Variants in SRBD1 observed in about 807,000 individuals in gnomAD.
SRBD1 encodes the protein S1 RNA-binding domain-containing protein 1.
SRBD1 carries 88 observed loss-of-function variants against 115.3 expected under a neutral mutation model. That is an observed-to-expected ratio of 0.76 (90% CI 0.64 to 0.91). SRBD1 has a LOEUF of 0.91. Ranked by LOEUF, SRBD1 falls within the 40% of genes least tolerant of loss-of-function variation. SRBD1 has a pLI of 0.00. For missense variants in SRBD1, 1,385 were observed against 1,177.4 expected (o/e 1.18, Z -2.58); for synonymous variants, 509 against 407.7 (o/e 1.25, Z -2.99).
At chr2:45,475,065 C>T (rs1669765969) in intron 16 of SRBD1, among the ~76,000 whole-genome samples, 1 of 152,080 alleles carries the variant, frequency 6.6e-6, no homozygotes, top group Non-Finnish European at 1.5e-5. Flanking sequence ...ATATCCAACT[C>T]CTACTTGACA....
At chr2:45,494,614 T>C (rs1670399838) in intron 14 of SRBD1, among the ~76,000 whole-genome samples, 1 of 152,234 alleles carries the variant, frequency 6.6e-6, no homozygotes, top group African/African-American at 2.4e-5. Flanking sequence ...ATACAAATTA[T>C]ACATCCTTAA....
At chr2:45,601,420 T>C (rs1189420458) in intron 3 of SRBD1, among the ~76,000 whole-genome samples, 1 of 152,236 alleles carries the variant, frequency 6.6e-6, no homozygotes, top group Non-Finnish European at 1.5e-5. Flanking sequence ...ACACAACTGA[T>C]GTAAAAACAC....
intron 7 of SRBD1, among the ~76,000 whole-genome samples, chr2:45,577,616 C>T (rs1673220331): frequency 6.6e-6 from 1 of 151,964 alleles, no homozygotes; most frequent in Admixed American, 6.6e-5. Flanking sequence ...AGACCAAATG[C>T]TTACTGGTCT....
At chr2:45,607,580 G>C (rs1428767576) in intron 1 of SRBD1, among the ~76,000 whole-genome samples, 1 of 151,978 alleles carries the variant, frequency 6.6e-6, no homozygotes, top group African/African-American at 2.4e-5. Context: ...TCCCAAGCCA[G>C]TAGTGGGAGC....
chr2:45,418,278 A>C lies in SRBD1; in HGVS notation c.2333+87T>G, dbSNP rs1667890301. 4 of 1,485,138 alleles carry C rather than the reference A, an allele frequency of 2.7e-6. No homozygotes were observed. In the East Asian group the frequency reaches 9.1e-5, roughly 34 times the overall value. The allele number at this position is 1,485,138 out of a possible 1,614,324, so 92.0% of individuals were successfully genotyped here. A position where few individuals can be genotyped will look rare whatever the true frequency, so the allele number is the denominator to read the frequency against. On this transcript the variant is annotated intron_variant, in intron 18 of 20. Coordinates refer to ENST00000263736, the MANE Select transcript of SRBD1 (RefSeq NM_018079.5). ...GAAGGCATGAACAATGGACACTTAGAAAATTTTACACTAATCAGTGGTAGG... is the reference window on the plus strand; with the variant it reads ...GAAGGCATGAACAATGGACACTTAGCAAATTTTACACTAATCAGTGGTAGG...
At chr2:45,452,557 C>T (rs1371622341) in intron 16 of SRBD1, among the ~76,000 whole-genome samples, 1 of 151,978 alleles carries the variant, frequency 6.6e-6, no homozygotes, top group Non-Finnish European at 1.5e-5. Flanking sequence ...AAATACTCTT[C>T]ATCCTAATTT....
chr2:45,502,806 T>A (rs1670677315), intron 14 of SRBD1, among the ~76,000 whole-genome samples: 1 of 151,770 alleles, frequency 6.6e-6, no homozygotes, highest in South Asian at 2.1e-4. Flanking sequence ...TGTGGACATG[T>A]ACCCTAGAAC....
In SRBD1 at chr2:45,585,532, C is replaced by T. The variant is rs552449701; in HGVS notation, c.815+76G>A. Reference sequence around the variant, plus strand: ...CAAAATGTTGAAATTGTCAAATATACCGTCATTCACTTTCTCACTGTTCCT... The same window carrying T: ...CAAAATGTTGAAATTGTCAAATATATCGTCATTCACTTTCTCACTGTTCCT... On this transcript the variant is annotated intron_variant, in intron 5 of 20. Transcript: ENST00000263736. The T allele has an allele frequency of 3.0e-5, 43 of 1,447,616 alleles. No homozygotes were observed. In the African/African-American group the frequency reaches 3.9e-4, roughly 13 times the overall value. The allele number at this position is 1,447,616 out of a possible 1,614,324, so 89.7% of individuals were successfully genotyped here. A position where few individuals can be genotyped will look rare whatever the true frequency, so the allele number is the denominator to read the frequency against.
chr2:45,550,826 C>A (rs966514109), intron 12 of SRBD1, among the ~76,000 whole-genome samples: 2 of 152,098 alleles, frequency 1.3e-5, no homozygotes, highest in African/African-American at 4.8e-5. Context: ...TATATAAATG[C>A]ATCACAATAA....
chr2:45,426,974 G>C (rs1025921055), intron 16 of SRBD1, among the ~76,000 whole-genome samples: 5 of 152,116 alleles, frequency 3.3e-5, no homozygotes, highest in African/African-American at 9.7e-5. Context: ...CGCCAGCAAG[G>C]GAATAAAACT....
chr2:45,389,206 G>T lies in SRBD1; in HGVS notation c.*104C>A, dbSNP rs114279213. The stretch of plus-strand genomic sequence containing the variant: ...TTGGAAAATATTTCTGATATTAAGT[G>T]AATTATTTCTCATCTGCTACCTAGA... On this transcript the variant is annotated 3_prime_UTR_variant, in exon 21 of 21. Transcript: ENST00000263736. The T allele has an allele frequency of 7.6e-4, 982 of 1,296,338 alleles. 14 individuals carry two copies. In the African/African-American group the frequency reaches 0.013, roughly 17 times the overall value. The allele number at this position is 1,296,338 out of a possible 1,614,324, so 80.3% of individuals were successfully genotyped here.
chr2:45,580,446 A>G (rs1490733024), intron 6 of SRBD1, among the ~76,000 whole-genome samples: 2 of 150,866 alleles, frequency 1.3e-5, no homozygotes, highest in East Asian at 3.9e-4. Context: ...CCCAGGTTTA[A>G]GTGATTCTCT....
intron 14 of SRBD1, among the ~76,000 whole-genome samples, chr2:45,528,246 A>G (rs1671509014): frequency 6.6e-6 from 1 of 151,862 alleles, no homozygotes; most frequent in South Asian, 2.1e-4. Context: ...TGTTGGGTTA[A>G]GAAGCGAGTA....
chr2:45,548,409 T>C (rs973324093), intron 12 of SRBD1, among the ~76,000 whole-genome samples: 1 of 151,986 alleles, frequency 6.6e-6, no homozygotes, highest in African/African-American at 2.4e-5. Context: ...AACTAGAGAT[T>C]GAACACAGGT....
At chr2:45,592,897 A>T (rs1175248251) in intron 4 of SRBD1, among the ~76,000 whole-genome samples, 1 of 152,222 alleles carries the variant, frequency 6.6e-6, no homozygotes. Context: ...GTGGGGGTTT[A>T]ATAACGTGTG....
intron 14 of SRBD1, among the ~76,000 whole-genome samples, chr2:45,509,516 A>AGGCAGGAGAATGGCGTGG: frequency 6.8e-6 from 1 of 147,094 alleles, no homozygotes; most frequent in Non-Finnish European, 1.5e-5. Flanking sequence ...GAATGGCGTG[A>AGGCAGGAGAATGGCGTGG]ACCCAGGAGG....
intron 10 of SRBD1, among the ~76,000 whole-genome samples, chr2:45,554,036 C>T (rs1672392057): frequency 6.6e-6 from 1 of 152,140 alleles, no homozygotes; most frequent in African/African-American, 2.4e-5. Context: ...AAGAAAGTCA[C>T]CAAAAAATTA....
chr2:45,574,469 T>G (rs777954869), intron 8 of SRBD1, among the ~76,000 whole-genome samples, 158 bp downstream of exon 8: 1 of 152,148 alleles, frequency 6.6e-6, no homozygotes, highest in Non-Finnish European at 1.5e-5. Context: ...TTTATCTGTT[T>G]TATATATTTG....
Position 45,546,835 on chromosome 2 carries a change from T to C in SRBD1, c.1771A>G (p.Ser591Gly), listed in dbSNP as rs1348377956. Residue 591 changes from serine to glycine, a missense_variant, in exon 14 of 21, where the codon AGC becomes GGC. Ser to Gly is a moderately conservative substitution (Grantham distance 56). Transcript: ENST00000263736. The part of the protein sequence containing the change: ...IKTLLLNFNC[S>G]TVVIGNGTAC... ...GTTCCATTTCCAATCACTACTGTGC[T>C]GCAGCTTCAAGGCAGAAACAGAATG... is the stretch of plus-strand genomic sequence containing the variant. 4 of 1,613,890 alleles carry C rather than the reference T, an allele frequency of 2.5e-6. No individual in the cohort carries two copies. Among genetic ancestry groups the C allele is most frequent in the Admixed American group, 1.7e-5 (1 of 60,004 alleles).
Sources: allele counts gnomAD v4.1 joint callset (sites outside exome capture counted in the v4.1 genomes callset), GRCh38; gene constraint gnomAD v4.1.1; transcripts MANE v1.5; gene names NCBI Gene and HGNC (gene_info 2026-07-23, HGNC 2026-07-21).